CPNE7: variants seen among roughly 807,000 people sequenced by gnomAD.
CPNE7 encodes copine-7.
A neutral mutation model predicts 66.5 loss-of-function variants in CPNE7; 78 were observed. The observed-to-expected ratio is 1.17, with a 90% CI of 0.98 to 1.42. The LOEUF (loss-of-function observed/expected upper bound fraction) is 1.42, where lower values mean the gene tolerates loss of function less well. Ranked by LOEUF, CPNE7 falls within the 40% of genes most tolerant of loss-of-function variation. CPNE7 has a pLI of 0.00. For synonymous variants in CPNE7, 468 were observed against 336.7 expected, an observed-to-expected ratio of 1.39 and a Z score of -4.27; for missense variants, 1,012 against 776.6, an observed-to-expected ratio of 1.30 and a Z score of -3.60.
chr16:89,590,545 A>T (rs916954907), intron 11 of CPNE7, among the ~76,000 whole-genome samples: 2 of 151,754 alleles, frequency 1.3e-5, no homozygotes, highest in Admixed American at 1.3e-4. Context: ...AAAGAAAACA[A>T]CAAAAAACTT....
chr16:89,580,475 C>T (rs1314235255), intron 2 of CPNE7, among the ~76,000 whole-genome samples: 3 of 137,570 alleles, frequency 2.2e-5, no homozygotes, highest in Non-Finnish European at 3.2e-5. Context: ...ACCCATCACA[C>T]GGAACATCCC....
chr16:89,595,775 T>A, intron 14 of CPNE7, 172 bp downstream of exon 14: 1 of 726,414 alleles, frequency 1.4e-6, no homozygotes, highest in Non-Finnish European at 2.5e-6. Context: ...AAGCCAGGAC[T>A]TTGAGCACCT....
intron 14 of CPNE7, 200 bp downstream of exon 14, chr16:89,595,803 T>G (rs2059245775): frequency 1.4e-6 from 1 of 693,476 alleles, no homozygotes; most frequent in African/African-American, 1.8e-5. Context: ...CCTCCACCGT[T>G]TTGAAACTTG....
Position 89,595,431 on chromosome 16 carries a change from C to T in CPNE7, c.1367C>T (p.Ala456Val), listed in dbSNP as rs1334495569. The part of the protein sequence containing the change: ...VVTDMADTRE[A>V]IVRASRLPMS... ...ACCGACATGGCCGACACACGGGAGG[C>T]CATTGTGCGTGCCTCACGCCTGCCC... Residue 456 changes from alanine to valine, a missense_variant, in exon 14 of 15, where the codon GCC becomes GTC. Coordinates refer to ENST00000319518, the MANE Select transcript of CPNE7 (RefSeq NM_153636.3). 6.2e-7 allele frequency: 1 copy of T among 1,608,650 alleles called. No homozygotes were observed. Among genetic ancestry groups the T allele is most frequent in the Middle Eastern group, 1.7e-4 (1 of 6,046 alleles).
chr16:89,593,847 G>A (rs1337209901), intron 13 of CPNE7, among the ~76,000 whole-genome samples: 1 of 152,204 alleles, frequency 6.6e-6, no homozygotes, highest in Non-Finnish European at 1.5e-5. Flanking sequence ...GAGCCAGTCC[G>A]GAGTCGAGGA....
Position 89,596,535 on chromosome 16 carries a change from G to T in CPNE7, c.1591G>T (p.Val531Leu). The change falls in exon 15 of 15, where the codon GTG (valine) becomes TTG (leucine). Residue 531 changes from valine to leucine, a missense_variant. Transcript: ENST00000319518. ...CGTGCTGGCCGAGGTCCCGAAGCAG[G>T]TGGTGGAGTACTACAGCCACAGAGG... The part of the protein sequence containing the change: ...KCVLAEVPKQ[V>L]VEYYSHRGLP... The T allele has an allele frequency of 6.2e-7, 1 of 1,610,164 alleles. No individual in the cohort carries two copies. Among genetic ancestry groups the T allele is most frequent in the Non-Finnish European group, 8.5e-7 (1 of 1,179,862 alleles).
At chr16:89,585,582 G>A (rs2059021973) in intron 6 of CPNE7, 29 bp downstream of exon 6, 2 of 1,592,880 alleles carry the variant, frequency 1.3e-6, no homozygotes, top group Non-Finnish European at 1.7e-6. Flanking sequence ...CAAGGGGGCA[G>A]TGAGGGGGTG....
At position 89,589,958 on chromosome 16, in the gene CPNE7, G is replaced by A. The variant is rs1166044226; in HGVS notation, c.1116+7G>A. On this transcript the variant is annotated splice_region_variant and intron_variant, in intron 11 of 14. Coordinates refer to ENST00000319518, the MANE Select transcript of CPNE7 (RefSeq NM_153636.3). ...GATCCCTCCCAAGTATGAGGTAGGA[G>A]AGCCCAGAACCTGAGACCTCAGAGC... 1.9e-6 allele frequency: 3 copies of A among 1,613,446 alleles called. No individual in the cohort carries two copies. Among genetic ancestry groups the A allele is most frequent in the Non-Finnish European group, 2.5e-6 (3 of 1,179,962 alleles).
At position 89,596,525 on chromosome 16, in the gene CPNE7, C is replaced by T; in HGVS notation, c.1581C>T (p.Val527=). 3.7e-6 allele frequency: 6 copies of T among 1,610,108 alleles called. No individual in the cohort carries two copies. The highest frequency in any genetic ancestry group is 3.4e-6 in the Non-Finnish European group (4 of 1,179,814). Residue 527 remains valine, a synonymous_variant, in exon 15 of 15, where the codon GTC becomes GTT. Coordinates refer to ENST00000319518, the MANE Select transcript of CPNE7 (RefSeq NM_153636.3). The stretch of plus-strand genomic sequence containing the variant: ...TGGCCAAGTGCGTGCTGGCCGAGGT[C>T]CCGAAGCAGGTGGTGGAGTACTACA... ...AALAKCVLAE[V]PKQVVEYYSH...
rs374891758 is a variant in CPNE7, at chr16:89,584,118, G to T, written c.507+16G>T. 2 of 1,604,400 alleles carry T rather than the reference G, an allele frequency of 1.2e-6. No individual in the cohort carries two copies. The highest frequency in any genetic ancestry group is 1.7e-6 in the Non-Finnish European group (2 of 1,176,158). ...GGACGACAAGGTGAGTGCAGGTGCC[G>T]GGCACGCCTGGCTCAGGCTGAGGTC... On this transcript the variant is annotated intron_variant, in intron 4 of 14. Transcript: ENST00000319518. This position sits in a 1 kb window ranked among gnomAD's most constrained non-coding sequence, Gnocchi z 6.0.
intron 14 of CPNE7, 34 bp downstream of exon 14, chr16:89,595,637 C>T: frequency 6.4e-7 from 1 of 1,555,204 alleles, no homozygotes; most frequent in Non-Finnish European, 8.8e-7. Flanking sequence ...TCAAGGCCGG[C>T]TTGGGGGTCC....
At chr16:89,590,112 A>G (rs2059145721) in intron 11 of CPNE7, among the ~76,000 whole-genome samples, 161 bp downstream of exon 11, 1 of 152,182 alleles carries the variant, frequency 6.6e-6, no homozygotes, top group Non-Finnish European at 1.5e-5. Flanking sequence ...CTAGCCAGAG[A>G]GGCTGGCCTT....
intron 9 of CPNE7, among the ~76,000 whole-genome samples, chr16:89,588,452 C>G (rs949427605): frequency 2.3e-4 from 35 of 152,256 alleles, no homozygotes; most frequent in African/African-American, 8.4e-4. Flanking sequence ...GTGGGGTGTC[C>G]TCCCGGAGAT....
intron 14 of CPNE7, 89 bp from the exon 15 acceptor site, chr16:89,596,395 G>T: frequency 6.6e-7 from 1 of 1,505,106 alleles, no homozygotes; most frequent in East Asian, 2.3e-5. Flanking sequence ...CGGCTCTGGA[G>T]GATGAGGCCT....
rs757728070 is a variant in CPNE7, at chr16:89,595,360, C to G, written c.1303-7C>G. 17 of 1,554,380 alleles carry G rather than the reference C, an allele frequency of 1.1e-5. No individual in the cohort carries two copies. The South Asian group carries it at 1.9e-4, about 18-fold the overall frequency. On this transcript the variant is annotated splice_region_variant and splice_polypyrimidine_tract_variant and intron_variant, in intron 13 of 14. Coordinates refer to ENST00000319518, the MANE Select transcript of CPNE7 (RefSeq NM_153636.3). ...TGGTGTTGCTGATGCCTTTCCTGTG[C>G]CCCCAGCAATACTACATCCTGCTGA...
chr16:89,588,662 C>A lies in CPNE7; in HGVS notation c.928-13C>A, dbSNP rs371733540. 1 of 1,612,780 alleles carries A rather than the reference C, an allele frequency of 6.2e-7. No individual in the cohort carries two copies. Among genetic ancestry groups the A allele is most frequent in the Non-Finnish European group, 8.5e-7 (1 of 1,179,856 alleles). ...CCGGCCCAGCACAGCTCCTGGCTCC[C>A]GGCCCACTGCAGGTGGCCATTGACT... On this transcript the variant is annotated splice_polypyrimidine_tract_variant and intron_variant, in intron 9 of 14. Transcript: ENST00000319518.
At chr16:89,592,244 G>C (rs1200212225) in intron 13 of CPNE7, among the ~76,000 whole-genome samples, 1 of 149,038 alleles carries the variant, frequency 6.7e-6, no homozygotes, top group East Asian at 2.0e-4. Context: ...TCGATCTCCT[G>C]ACCTCGTGAT....
chr16:89,582,285 A>G (rs1022336251), intron 2 of CPNE7, among the ~76,000 whole-genome samples: 3 of 152,248 alleles, frequency 2.0e-5, no homozygotes, highest in African/African-American at 7.2e-5. Flanking sequence ...TCAAGTAAAC[A>G]GTAACTCAGC....
chr16:89,596,751 C>A lies in CPNE7; in HGVS notation c.*130C>A. On this transcript the variant is annotated 3_prime_UTR_variant, in exon 15 of 15. Coordinates refer to ENST00000319518, the MANE Select transcript of CPNE7 (RefSeq NM_153636.3). ...TCCAGTCCCCACCAGGCCCCACTCC[C>A]AGTCCTCCTGGGATCCTGCTGGCTT... 8.6e-7 allele frequency: 1 copy of A among 1,167,094 alleles called. No individual in the cohort carries two copies. Among genetic ancestry groups the A allele is most frequent in the Non-Finnish European group, 1.1e-6 (1 of 890,434 alleles). The allele number at this position is 1,167,094 out of a possible 1,614,324, so 72.3% of individuals were successfully genotyped here. A position where few individuals can be genotyped will look rare whatever the true frequency, so the allele number is the denominator to read the frequency against.
Sources: gnomAD v4.1 joint callset for allele counts (sites outside exome capture counted in the v4.1 genomes callset) on GRCh38, gnomAD v4.1.1 for gene constraint, Gnocchi (gnomAD v3.1) non-coding constraint, MANE v1.5 for transcripts, NCBI Gene and HGNC (gene_info 2026-07-23, HGNC 2026-07-21) for gene names.